The following RBM26 variants were observed in gnomAD, a reference collection of about 807,000 sequenced individuals.
RBM26 encodes RNA binding motif protein 26, also known as RNA-binding protein 26.
A neutral mutation model predicts 123.6 loss-of-function variants in RBM26; 30 were observed. That is an observed-to-expected ratio of 0.24 (90% confidence interval 0.18 to 0.33). The LOEUF is 0.33. RBM26 is among the 10% of genes least tolerant of loss of function. The probability of loss-of-function intolerance (pLI) is 1.00; values close to 1 mark genes in which losing one functional copy is unlikely to be tolerated. For synonymous variants in RBM26, 400 were observed against 404.4 expected, an observed-to-expected ratio of 0.99 and a Z score of 0.13; for missense variants, 947 against 1,203.6, an observed-to-expected ratio of 0.79 and a Z score of 3.15.
At position 79,371,825 on chromosome 13, in the gene RBM26, T is replaced by C. The variant is rs890967544; in HGVS notation, c.416+17A>G. The C allele has an allele frequency of 5.9e-6, 9 of 1,523,836 alleles. No homozygotes were observed. The African/African-American group carries it at 1.1e-4, about 19-fold the overall frequency. 94.4% of individuals were successfully genotyped at this position (1,523,836 alleles called of 1,614,324 possible). On this transcript the variant is annotated intron_variant, in intron 4 of 21. Coordinates refer to ENST00000438737, the MANE Select transcript of RBM26 (RefSeq NM_001366735.2). ...ACTTACATCGAAACACTGAGTATGG[T>C]TCAATGAACTGCTCACCTATTTTCC...
At chr13:79,367,474 T>C (rs1248817473) in intron 6 of RBM26, among the ~76,000 whole-genome samples, 2 of 148,380 alleles carry the variant, frequency 1.3e-5, no homozygotes, top group Non-Finnish European at 3.0e-5. Context: ...CAAACGATGT[T>C]GGAGGTGGGG....
chr13:79,349,984 T>G (rs961449181), intron 14 of RBM26, among the ~76,000 whole-genome samples: 5 of 152,124 alleles, frequency 3.3e-5, no homozygotes, highest in African/African-American at 1.2e-4. Flanking sequence ...GCGTGAGCCA[T>G]GCGCCCAGCC....
At chr13:79,377,665 G>A (rs1594537835) in intron 2 of RBM26, 150 bp from the exon 3 acceptor site, 7 of 672,610 alleles carry the variant, frequency 1.0e-5, no homozygotes, top group African/African-American at 5.5e-5. Context: ...GGTGGCTTAC[G>A]TCTGTAATCC....
chr13:79,330,604 T>C (rs2069139134), intron 20 of RBM26, among the ~76,000 whole-genome samples: 1 of 152,158 alleles, frequency 6.6e-6, no homozygotes, highest in South Asian at 2.1e-4. Flanking sequence ...CTATGGTTCC[T>C]TACGTTTTTA....
intron 1 of RBM26, among the ~76,000 whole-genome samples, chr13:79,404,709 A>C (rs578110978): frequency 1.1e-4 from 16 of 152,298 alleles, no homozygotes; most frequent in Admixed American, 9.8e-4. Flanking sequence ...CCTTCTCTTT[A>C]GATGTTACTC....
Position 79,313,840 on chromosome 13 carries a change from G to GA in RBM26, c.*1129dup, listed in dbSNP as rs1316715202. ...GACAAATGCAATGCATACTCAAGGG[G>GA]AAAAAAAGTTTGCAGAATGTTAAGC... is the stretch of plus-strand genomic sequence containing the variant. On this transcript the variant is annotated 3_prime_UTR_variant, in exon 5 of 5. Coordinates refer to the RBM26 transcript ENST00000449987. 7 of 140,992 alleles carry GA rather than the reference G, an allele frequency of 5.0e-5. No homozygotes were observed. In the East Asian group the frequency reaches 8.2e-4, roughly 17 times the overall value. 8.7% of individuals were successfully genotyped at this position (140,992 alleles called of 1,614,324 possible).
chr13:79,371,256 C>T (rs1187535693), intron 4 of RBM26, 94 bp from the exon 5 acceptor site: 2 of 998,302 alleles, frequency 2.0e-6, no homozygotes, highest in Admixed American at 5.0e-5. Context: ...ATTCTTGTAA[C>T]TTAACTTTCT....
downstream of RBM26, among the ~76,000 whole-genome samples, chr13:79,316,209 G>A (rs974777541): frequency 7.3e-5 from 11 of 150,998 alleles, no homozygotes; most frequent in African/African-American, 2.7e-4. Flanking sequence ...GTGTGTGTGT[G>A]TGTGTGTGTG....
intron 1 of RBM26, among the ~76,000 whole-genome samples, chr13:79,390,266 C>T (rs890252435): frequency 3.3e-5 from 5 of 152,040 alleles, no homozygotes; most frequent in African/African-American, 1.2e-4. Context: ...CAACAGAATA[C>T]TACTCAGCAA....
At chr13:79,397,001 G>A (rs970318965) in intron 1 of RBM26, among the ~76,000 whole-genome samples, 3 of 152,088 alleles carry the variant, frequency 2.0e-5, no homozygotes, top group African/African-American at 7.2e-5. Context: ...CCAACATGGT[G>A]AAACCCCACC....
intron 19 of RBM26, 109 bp from the exon 20 acceptor site, chr13:79,334,539 A>C: frequency 1.9e-6 from 1 of 528,860 alleles, no homozygotes; most frequent in Admixed American, 3.9e-5. Context: ...CCCAGAATAC[A>C]TAACAATTCA....
In RBM26 at chr13:79,366,853, T is replaced by C; in HGVS notation, c.915A>G (p.Arg305=). The change falls in exon 7 of 22, where the codon AGA becomes AGG. Residue 305 remains arginine (R), a synonymous_variant. Coordinates refer to ENST00000438737, the MANE Select transcript of RBM26 (RefSeq NM_001366735.2). ...RDYDEKGFCM[R]GDMCPFDHGS... is the part of the protein sequence containing the mutation. ...CATGATCAAAAGGACACATGTCTCC[T>C]CTCATACAAAAACCCTTTTCTATGA... The C allele has an allele frequency of 6.2e-7, 1 of 1,606,332 alleles. No homozygotes were observed. Among genetic ancestry groups the C allele is most frequent in the Non-Finnish European group, 8.5e-7 (1 of 1,175,258 alleles).
intron 11 of RBM26, among the ~76,000 whole-genome samples, chr13:79,356,238 A>C (rs1173562925): frequency 2.0e-5 from 3 of 152,072 alleles, no homozygotes; most frequent in African/African-American, 7.2e-5. Flanking sequence ...GTGTGGTGGC[A>C]CACAACTGTG....
intron 9 of RBM26, among the ~76,000 whole-genome samples, chr13:79,362,508 G>C (rs1335101877): frequency 6.6e-6 from 1 of 152,016 alleles, no homozygotes; most frequent in East Asian, 1.9e-4. Flanking sequence ...GGGTACATAG[G>C]CTGTATCTAT....
At chr13:79,393,054 A>C (rs1181998087) in intron 1 of RBM26, among the ~76,000 whole-genome samples, 1 of 152,204 alleles carries the variant, frequency 6.6e-6, no homozygotes, top group Admixed American at 6.5e-5. Context: ...AACACTTACT[A>C]ACCAAAGACT....
intron 8 of RBM26, 92 bp downstream of exon 8, chr13:79,365,963 T>C (rs895373927): frequency 5.1e-5 from 63 of 1,234,350 alleles, no homozygotes; most frequent in Non-Finnish European, 6.9e-5. Context: ...GTGAGAAAAG[T>C]AGTCCTCACA....
At chr13:79,334,090 C>G (rs751105504) in intron 20 of RBM26, among the ~76,000 whole-genome samples, 22 of 152,232 alleles carry the variant, frequency 1.4e-4, no homozygotes, top group Middle Eastern at 3.4e-3. Flanking sequence ...AGGAGAATCC[C>G]TGGTATCTCA....
chr13:79,343,259 C>T (rs558708927), intron 16 of RBM26, among the ~76,000 whole-genome samples: 2 of 151,896 alleles, frequency 1.3e-5, no homozygotes, highest in African/African-American at 4.8e-5. Flanking sequence ...TTTATGGTTC[C>T]TTTCATACAA....
chr13:79,322,724 A>G (rs999045179), intron 20 of RBM26, among the ~76,000 whole-genome samples: 1 of 151,556 alleles, frequency 6.6e-6, no homozygotes, highest in Admixed American at 6.6e-5. Context: ...CTCATAATAA[A>G]ATATAGCTAT....
Sources: allele counts gnomAD v4.1 joint callset (sites outside exome capture counted in the v4.1 genomes callset), GRCh38; gene constraint gnomAD v4.1.1; transcripts MANE v1.5; gene names NCBI Gene and HGNC (gene_info 2026-07-23, HGNC 2026-07-21).